The following WDR31 variants were observed in gnomAD, a reference collection of about 807,000 sequenced individuals.
The protein encoded by WDR31 is WD repeat domain 31.
WDR31 carries 30 observed loss-of-function variants against 47.3 expected under a neutral mutation model. The observed-to-expected ratio is 0.63, with a 90% confidence interval of 0.47 to 0.86. The LOEUF (loss-of-function observed/expected upper bound fraction) is 0.86, where lower values mean the gene tolerates loss of function less well. WDR31 is among the 40% of genes least tolerant of loss of function. The pLI, the probability that WDR31 is intolerant of heterozygous loss-of-function variation, is 0.00. For missense variants in WDR31, 406 were observed against 442.9 expected (o/e 0.92, Z 0.75); for synonymous variants, 137 against 159.4 (o/e 0.86, Z 1.06).
intron 5 of WDR31, among the ~76,000 whole-genome samples, chr9:113,327,852 C>CAA: frequency 2.0e-5 from 3 of 152,206 alleles, no homozygotes; most frequent in Middle Eastern, 6.8e-3. Context: ...CTTGGGTGGC[C>CAA]AAGGCAGAAG....
chr9:113,331,060 C>A lies in WDR31; in HGVS notation c.173G>T (p.Ser58Ile). The change falls in exon 4 of 11, where the codon AGC (serine) becomes ATC (isoleucine). Residue 58 changes from serine (S) to isoleucine (I), a missense_variant. Physicochemically the swap from Ser to Ile is moderately radical, Grantham distance 142. Coordinates refer to ENST00000374193, the MANE Select transcript of WDR31 (RefSeq NM_001012361.4). The stretch of plus-strand genomic sequence containing the variant: ...AGAGACGGTATCCATGTGAGCTGGG[C>A]TATACTCTTGAAAAGCTTTAGTTTG... ...RIQTKAFQEY[S>I]PAHMDTVSVV... 3.1e-6 allele frequency: 5 copies of A among 1,608,528 alleles called. No individual in the cohort carries two copies. Among genetic ancestry groups the A allele is most frequent in the Non-Finnish European group, 4.2e-6 (5 of 1,176,938 alleles).
intron 8 of WDR31, 54 bp from the exon 9 acceptor site, chr9:113,320,552 C>A: frequency 6.3e-7 from 1 of 1,575,152 alleles, no homozygotes; most frequent in Non-Finnish European, 8.6e-7. Context: ...CTGAAATACA[C>A]CCGTATTGTC....
At chr9:113,322,044 C>T (rs1457114817) in intron 7 of WDR31, among the ~76,000 whole-genome samples, 1 of 151,866 alleles carries the variant, frequency 6.6e-6, no homozygotes, top group Admixed American at 6.6e-5. Context: ...ATATAGAGGG[C>T]ATGGGGCAAG....
intron 1 of WDR31, among the ~76,000 whole-genome samples, chr9:113,338,541 T>G (rs1271509724): frequency 6.6e-6 from 1 of 152,100 alleles, no homozygotes; most frequent in African/African-American, 2.4e-5. Context: ...CCTAGGAGAA[T>G]GAACGCAAGG....
intron 2 of WDR31, among the ~76,000 whole-genome samples, chr9:113,334,728 T>C (rs1002892048): frequency 2.4e-5 from 2 of 84,512 alleles, no homozygotes; most frequent in South Asian, 4.7e-4. Flanking sequence ...TTTTTTTTTT[T>C]GTATTTTTAG....
intron 7 of WDR31, 72 bp from the exon 8 acceptor site, chr9:113,321,650 C>A: frequency 7.1e-7 from 1 of 1,415,438 alleles, no homozygotes; most frequent in Non-Finnish European, 9.9e-7. Context: ...GTCAAATGTG[C>A]TAACTAGCAT....
At chr9:113,317,855 A>T (rs1833241553) in intron 10 of WDR31, among the ~76,000 whole-genome samples, 1 of 152,178 alleles carries the variant, frequency 6.6e-6, no homozygotes, top group African/African-American at 2.4e-5. Flanking sequence ...GCACTTGTTA[A>T]TTTTCATCAT....
At chr9:113,321,400 G>A (rs1833324405) in intron 8 of WDR31, 111 bp downstream of exon 8, 2 of 1,082,204 alleles carry the variant, frequency 1.8e-6, no homozygotes, top group East Asian at 4.8e-5. Context: ...GGAACAGAAG[G>A]CTCTGGGAAG....
At chr9:113,336,679 A>T (rs1275687849) in intron 1 of WDR31, among the ~76,000 whole-genome samples, 1 of 152,218 alleles carries the variant, frequency 6.6e-6, no homozygotes. Flanking sequence ...ACTTCTATTC[A>T]TCAAAAATCT....
At position 113,317,243 on chromosome 9, in the gene WDR31, G is replaced by A. The variant is rs112855679; in HGVS notation, c.944-334C>T. Among the ~76,000 whole-genome samples the A allele has an allele frequency of 3.5e-3, 526 of 152,284 alleles. 4 individuals are homozygous for A. Among genetic ancestry groups the A allele is most frequent in the African/African-American group, 0.012 (494 of 41,552 alleles). On this transcript the variant is annotated intron_variant, in intron 10 of 10. Transcript: ENST00000374193. Reference sequence around the variant, plus strand: ...GGCCCAGGCAGGGAAAAACACACAAGGATACTGATCTTTAGCTGCTGGCTT... The same window carrying A: ...GGCCCAGGCAGGGAAAAACACACAAAGATACTGATCTTTAGCTGCTGGCTT...
At chr9:113,337,573 C>A (rs1354070938) in intron 1 of WDR31, among the ~76,000 whole-genome samples, 1 of 150,288 alleles carries the variant, frequency 6.7e-6, no homozygotes, top group Admixed American at 6.7e-5. Context: ...TCAAGCAATT[C>A]TCCTGCCTCA....
Position 113,320,503 on chromosome 9 carries a change from AAG to A in WDR31, c.639-7_639-6del, listed in dbSNP as rs1447748204. ...AGCCCCCGACTGTCCCATAATCTGA[AAG>A]AGATTAGGGCAGGAAATTAGCTTGT... On this transcript the variant is annotated splice_region_variant and splice_polypyrimidine_tract_variant and intron_variant, in intron 8 of 10. Coordinates refer to ENST00000374193, the MANE Select transcript of WDR31 (RefSeq NM_001012361.4). 25 of 1,612,942 alleles carry A rather than the reference AAG, an allele frequency of 1.5e-5. No homozygotes were observed. The highest frequency in any genetic ancestry group is 2.1e-5 in the Non-Finnish European group (25 of 1,179,480).
rs182359833 is a variant in WDR31, at chr9:113,328,947, C to T, written c.258G>A (p.Val86=). The T allele has an allele frequency of 5.1e-5, 82 of 1,613,738 alleles. No homozygotes were observed. In the Middle Eastern group the frequency reaches 9.9e-4, roughly 19 times the overall value. The change falls in exon 5 of 11, where the codon GTG becomes GTA. Residue 86 remains valine, a synonymous_variant. Transcript: ENST00000374193. The part of the protein sequence containing the change: ...CVSGGKDKTV[V]AYNWKTGNVV... ...CATTTCCAGTTTTCCAATTATAGGC[C>T]ACAACTGTCTGAAGAGAGTGAAGAT... is the stretch of plus-strand genomic sequence containing the variant.
chr9:113,335,743 C>G (rs1833702992), intron 2 of WDR31, among the ~76,000 whole-genome samples: 1 of 152,166 alleles, frequency 6.6e-6, no homozygotes. Flanking sequence ...TCTACCCCAG[C>G]CCTGCCTCAT....
At chr9:113,338,687 C>A (rs1833766028) in intron 1 of WDR31, among the ~76,000 whole-genome samples, 1 of 151,002 alleles carries the variant, frequency 6.6e-6, no homozygotes, top group Admixed American at 6.6e-5. Context: ...GGCACCATCT[C>A]AGCTCATCAC....
intron 2 of WDR31, among the ~76,000 whole-genome samples, chr9:113,334,729 G>A (rs1039029135): frequency 2.0e-5 from 1 of 48,808 alleles, no homozygotes; most frequent in Non-Finnish European, 4.2e-5. Context: ...TTTTTTTTTT[G>A]TATTTTTAGT....
chr9:113,317,103 A>C (rs528534527), intron 10 of WDR31, among the ~76,000 whole-genome samples, 194 bp from the exon 11 acceptor site: 1 of 152,264 alleles, frequency 6.6e-6, no homozygotes, highest in Non-Finnish European at 1.5e-5. Context: ...TCAATGGTAG[A>C]GAATGGCACA....
In WDR31 at chr9:113,316,860, CAG is replaced by C; in HGVS notation, c.991_992del (p.Leu331GlyfsTer4). On this transcript the variant is annotated frameshift_variant, in exon 11 of 11. Transcript: ENST00000374193. LOFTEE classifies it high-confidence loss of function. Reference protein sequence around the residue: ...SLDGSGPLTSLAVGDAISLLC... With the variant: ...SLDGSGPLTSXAVGDAISLLC... The stretch of plus-strand genomic sequence containing the variant: ...ATAAGGAGATGGCGTCACCAACAGC[CAG>C]AGAAGTCAAGGGTCCTGATCCATCC... 6.2e-7 allele frequency: 1 copy of C among 1,614,118 alleles called. No homozygotes were observed. Among genetic ancestry groups the C allele is most frequent in the Non-Finnish European group, 8.5e-7 (1 of 1,180,028 alleles).
intron 5 of WDR31, among the ~76,000 whole-genome samples, chr9:113,328,522 G>C (rs1039797893): frequency 6.6e-6 from 1 of 152,166 alleles, no homozygotes; most frequent in African/African-American, 2.4e-5. Context: ...TAGACTAGAA[G>C]GTTGCTGAGC....
Sources: gnomAD v4.1 joint callset for allele counts (sites outside exome capture counted in the v4.1 genomes callset) on GRCh38, gnomAD v4.1.1 for gene constraint, MANE v1.5 for transcripts, NCBI Gene and HGNC (gene_info 2026-07-23, HGNC 2026-07-21) for gene names.